The following ZFHX3 variants were observed in gnomAD, a reference collection of about 807,000 sequenced individuals.
ZFHX3 encodes zinc finger homeobox 3, also known as zinc finger homeobox protein 3.
A neutral mutation model predicts 279.1 loss-of-function variants in ZFHX3; 42 were observed. The ratio of observed to expected loss-of-function variants is 0.15; its 90% confidence interval spans 0.12 to 0.19. The LOEUF (loss-of-function observed/expected upper bound fraction) is 0.19. ZFHX3 is among the 10% of genes least tolerant of loss of function. The probability of loss-of-function intolerance (pLI) is 1.00; values close to 1 mark genes in which losing one functional copy is unlikely to be tolerated. For missense variants in ZFHX3, 4,981 were observed against 4,754.0 expected, an observed-to-expected ratio of 1.05 and a Z score of -1.40; for synonymous variants, 2,293 against 1,957.8, an observed-to-expected ratio of 1.17 and a Z score of -4.52.
intron 5 of ZFHX3, among the ~76,000 whole-genome samples, chr16:72,824,909 C>T (rs2036895506): frequency 6.6e-6 from 1 of 152,186 alleles, no homozygotes; most frequent in Non-Finnish European, 1.5e-5. Context: ...GAGAAAACCA[C>T]AAAGTTGGAC....
At chr16:73,326,509 CA>C (rs1372086506) in intron 3 of ZFHX3, among the ~76,000 whole-genome samples, 1 of 152,162 alleles carries the variant, frequency 6.6e-6, no homozygotes, top group African/African-American at 2.4e-5. Flanking sequence ...AAGCCAGACA[CA>C]AAGGACCACA....
chr16:73,728,121 A>G (rs552398434), intron 1 of ZFHX3, among the ~76,000 whole-genome samples: 1 of 147,916 alleles, frequency 6.8e-6, no homozygotes, highest in African/African-American at 2.5e-5. Context: ...ATTAAGTTAA[A>G]TGAGGTCCTT....
chr16:73,315,206 T>C (rs1209496741), intron 4 of ZFHX3, among the ~76,000 whole-genome samples: 4 of 143,320 alleles, frequency 2.8e-5, no homozygotes, highest in African/African-American at 7.8e-5. Context: ...GAGTGAAAAC[T>C]CCATCTCAAA....
Position 72,796,637 on chromosome 16 carries a change from G to A in ZFHX3, c.6045C>T (p.Leu2015=), listed in dbSNP as rs760092834. ...CTCTGTACTGTTTGGCAAACCTCTC[G>A]AGCTGTTTGAAAGGAAAGTAATTCT... ...VHQNYFPFKQ[L]ERFAKQYRDH... The change falls in exon 9 of 10, where the codon CTC becomes CTT. Residue 2015 remains leucine, a synonymous_variant. Transcript: ENST00000268489. 6.8e-6 allele frequency: 11 copies of A among 1,614,044 alleles called. No individual in the cohort carries two copies. The highest frequency in any genetic ancestry group is 2.2e-5 in the East Asian group (1 of 44,850).
intron 1 of ZFHX3, among the ~76,000 whole-genome samples, chr16:73,032,757 C>A (rs1345997250): frequency 6.6e-6 from 1 of 152,140 alleles, no homozygotes; most frequent in Non-Finnish European, 1.5e-5. Context: ...CTCCTCCCCC[C>A]AGCAGGTTAA....
rs11286052 is a variant in ZFHX3, at chr16:73,581,659, C to CTT, written c.-1547+98519_-1547+98520dup. Among the ~76,000 whole-genome samples, 317 of 73,450 alleles carry CTT rather than the reference C, an allele frequency of 4.3e-3. 17 individuals are homozygous for CTT. Among genetic ancestry groups the CTT allele is most frequent in the Non-Finnish European group, 5.1e-3 (192 of 37,862 alleles). 48.2% of individuals were successfully genotyped at this position (73,450 alleles called of 152,430 possible). ...GTCAAGCATAAAACTTCGAATGTCT[C>CTT]TTTTTTTTTTTTTTTTTTTTTTTTT... On this transcript the variant is annotated intron_variant, in intron 2 of 17. Transcript: ENST00000641206.
chr16:73,398,240 C>G (rs1281698818), intron 3 of ZFHX3, among the ~76,000 whole-genome samples: 1 of 152,112 alleles, frequency 6.6e-6, no homozygotes, highest in African/African-American at 2.4e-5. Flanking sequence ...GAGTCTTCGG[C>G]AAATCAACAG....
chr16:73,222,302 C>T (rs771063951), intron 5 of ZFHX3, among the ~76,000 whole-genome samples: 1 of 151,790 alleles, frequency 6.6e-6, no homozygotes, highest in Non-Finnish European at 1.5e-5. Flanking sequence ...CAGATGATAT[C>T]GTCTATGTAG....
intron 5 of ZFHX3, among the ~76,000 whole-genome samples, chr16:73,188,078 G>T (rs1362775684): frequency 6.6e-6 from 1 of 152,148 alleles, no homozygotes; most frequent in Non-Finnish European, 1.5e-5. Context: ...AGCCAGGATG[G>T]TCTTGATCTC....
chr16:73,154,655 T>C (rs1967028575), intron 5 of ZFHX3, among the ~76,000 whole-genome samples: 1 of 152,174 alleles, frequency 6.6e-6, no homozygotes, highest in Non-Finnish European at 1.5e-5. Context: ...TAGGGACTCT[T>C]GATAGTTACT....
At chr16:73,106,214 C>CT (rs928037320) in intron 7 of ZFHX3, among the ~76,000 whole-genome samples, 21 of 151,934 alleles carry the variant, frequency 1.4e-4, no homozygotes, top group Non-Finnish European at 2.1e-4. Context: ...TTGTCTTGTT[C>CT]TTTTTTTTCC....
At chr16:73,186,216 A>G (rs1252323968) in intron 5 of ZFHX3, among the ~76,000 whole-genome samples, 1 of 152,176 alleles carries the variant, frequency 6.6e-6, no homozygotes, top group Non-Finnish European at 1.5e-5. Flanking sequence ...CAATAAATGG[A>G]ACATGCTTGA....
intron 3 of ZFHX3, among the ~76,000 whole-genome samples, chr16:73,371,354 G>C (rs914897096): frequency 3.3e-5 from 5 of 151,810 alleles, no homozygotes; most frequent in African/African-American, 1.2e-4. Context: ...CATATGCAAA[G>C]GTTCTTAAGG....
chr16:72,848,940 T>A (rs1597306886), intron 4 of ZFHX3, among the ~76,000 whole-genome samples: 1 of 151,940 alleles, frequency 6.6e-6, no homozygotes, highest in South Asian at 2.1e-4. Context: ...GGCTGCCAGG[T>A]TATGCTTGGC....
intron 2 of ZFHX3, among the ~76,000 whole-genome samples, chr16:73,525,176 G>A (rs2019671023): frequency 6.6e-6 from 1 of 152,124 alleles, no homozygotes; most frequent in African/African-American, 2.4e-5. Context: ...TCCCGACCTG[G>A]GGAGATTCCT....
chr16:73,879,825 C>CCACA lies in ZFHX3; in HGVS notation c.-1608+11822_-1608+11825dup, dbSNP rs138251480. Among the ~76,000 whole-genome samples the CCACA allele has an allele frequency of 6.6e-3, 997 of 150,074 alleles. 9 individuals are homozygous for CCACA. Among genetic ancestry groups the CCACA allele is most frequent in the African/African-American group, 0.023 (928 of 41,040 alleles). On this transcript the variant is annotated intron_variant, in intron 1 of 17. Transcript: ENST00000641206. The stretch of plus-strand genomic sequence containing the variant: ...TACCCACTACTTGCCACTGGCGCAC[C>CCACA]CACACACACACACACAGTTAAAGCA...
intron 8 of ZFHX3, among the ~76,000 whole-genome samples, chr16:73,084,756 G>A (rs940507273): frequency 3.3e-5 from 5 of 152,070 alleles, no homozygotes; most frequent in Admixed American, 1.3e-4. Context: ...TCCTGGCCTC[G>A]TGATCCGCCC....
chr16:73,617,166 C>G (rs1404494049), intron 2 of ZFHX3, among the ~76,000 whole-genome samples: 1 of 152,164 alleles, frequency 6.6e-6, no homozygotes, highest in African/African-American at 2.4e-5. Context: ...TTGAAAGGTA[C>G]AGAAGTCCTG....
At chr16:73,439,726 T>C (rs1218299577) in intron 3 of ZFHX3, among the ~76,000 whole-genome samples, 1 of 151,880 alleles carries the variant, frequency 6.6e-6, no homozygotes, top group Non-Finnish European at 1.5e-5. Flanking sequence ...CTGATCTGCT[T>C]TGATTTCTTT....
Sources: gnomAD v4.1 joint callset for allele counts (sites outside exome capture counted in the v4.1 genomes callset) on GRCh38, gnomAD v4.1.1 for gene constraint, MANE v1.5 for transcripts, NCBI Gene and HGNC (gene_info 2026-07-23, HGNC 2026-07-21) for gene names.